The following ARSG variants were observed in gnomAD, a reference collection of about 807,000 sequenced individuals.
ARSG encodes the protein arylsulfatase G.
ARSG carries 37 observed loss-of-function variants against 50.5 expected under a neutral mutation model. The observed-to-expected ratio is 0.73, with a 90% confidence interval of 0.56 to 0.96. The LOEUF (loss-of-function observed/expected upper bound fraction) is 0.96, where lower values mean the gene tolerates loss of function less well. ARSG is among the 50% of genes least tolerant of loss of function. ARSG has a pLI of 0.00. For missense variants in ARSG, 629 were observed against 675.3 expected (o/e 0.93, Z 0.76); for synonymous variants, 225 against 254.6 (o/e 0.88, Z 1.11).
At chr17:68,321,377 G>A (rs1356703301) in intron 2 of ARSG, among the ~76,000 whole-genome samples, 1 of 152,150 alleles carries the variant, frequency 6.6e-6, no homozygotes, top group Admixed American at 6.5e-5. Flanking sequence ...TTTAACAGAA[G>A]GCAATGTGGA....
intron 1 of ARSG, among the ~76,000 whole-genome samples, chr17:68,303,569 C>G (rs1161243635): frequency 6.6e-6 from 1 of 152,196 alleles, no homozygotes; most frequent in African/African-American, 2.4e-5. Context: ...CTGCCTCAGC[C>G]TCCCAAGCAG....
At chr17:68,377,234 A>G (rs941404048) in intron 8 of ARSG, among the ~76,000 whole-genome samples, 2 of 152,214 alleles carry the variant, frequency 1.3e-5, no homozygotes, top group African/African-American at 4.8e-5. Flanking sequence ...AATGGAAGGC[A>G]TCCCCGAGGC....
In ARSG at chr17:68,309,428, G is replaced by A. The variant is rs572586535; in HGVS notation, c.218+1717G>A. The stretch of plus-strand genomic sequence containing the variant: ...AGCCCAGGCAGAGGAGGCGCCGAGA[G>A]CGAGCGAGGGCTGTGAGGACTGCCA... On this transcript the variant is annotated intron_variant, in intron 2 of 11. Coordinates refer to ENST00000621439, the MANE Select transcript of ARSG (RefSeq NM_001267727.2). 7.2e-5 allele frequency among the ~76,000 whole-genome samples: 11 copies of A among 152,374 alleles called. No individual in the cohort carries two copies. The East Asian group carries it at 1.9e-3, about 27-fold the overall frequency.
intron 1 of ARSG, among the ~76,000 whole-genome samples, chr17:68,291,995 G>A (rs1195234342): frequency 6.6e-6 from 1 of 151,988 alleles, no homozygotes; most frequent in African/African-American, 2.4e-5. Flanking sequence ...CGGCGCCTGA[G>A]TTCCTCCTGC....
Position 68,271,397 on chromosome 17 carries a change from T to C in ARSG, c.-552+11971T>C, listed in dbSNP as rs782484654. 1 of 1,614,266 alleles carries C rather than the reference T, an allele frequency of 6.2e-7. No individual in the cohort carries two copies. Among genetic ancestry groups the C allele is most frequent in the Admixed American group, 1.7e-5 (1 of 60,028 alleles). ...GCCTTCGGCTCCAGTTCCAGGTTAG[T>C]GTGAGTAGGCACATTTTTAGGTGAG... On this transcript the variant is annotated intron_variant, in intron 1 of 11. Transcript: ENST00000448504. This position sits in a 1 kb window ranked among gnomAD's most constrained non-coding sequence, Gnocchi z 5.3.
intron 6 of ARSG, among the ~76,000 whole-genome samples, chr17:68,365,808 T>G (rs1203778581): frequency 1.3e-5 from 2 of 152,250 alleles, no homozygotes. Flanking sequence ...CAAGCCATTG[T>G]GTGTTATTTC....
Position 68,300,855 on chromosome 17 carries a change from T to TA in ARSG, c.-551-6075dup, listed in dbSNP as rs1200195007. Among the ~76,000 whole-genome samples, 186 of 139,614 alleles carry TA rather than the reference T, an allele frequency of 1.3e-3. 1 individual carries two copies. Among genetic ancestry groups the TA allele is most frequent in the Admixed American group, 3.2e-3 (45 of 13,942 alleles). The allele number at this position is 139,614 out of a possible 152,430, so 91.6% of individuals were successfully genotyped here. ...TGTCTGGTGTGAGGTCTCCAAGCTT[T>TA]AAAAAAAAAAAAAGCCACTTTGGGA... is the stretch of plus-strand genomic sequence containing the variant. On this transcript the variant is annotated intron_variant, in intron 1 of 11. Coordinates refer to ENST00000621439, the MANE Select transcript of ARSG (RefSeq NM_001267727.2).
chr17:68,323,032 G>C (rs1258053919), intron 2 of ARSG, among the ~76,000 whole-genome samples: 1 of 149,878 alleles, frequency 6.7e-6, no homozygotes, highest in African/African-American at 2.5e-5. Flanking sequence ...ATTAATAAGA[G>C]AGGGCTCTCT....
chr17:68,266,525 T>C (rs1397144880), intron 1 of ARSG, among the ~76,000 whole-genome samples: 1 of 149,106 alleles, frequency 6.7e-6, no homozygotes, highest in Non-Finnish European at 1.5e-5. Flanking sequence ...ATAAAAAAGT[T>C]TAGGCTGCAC....
chr17:68,331,693 T>C (rs2077779496), intron 2 of ARSG, among the ~76,000 whole-genome samples: 1 of 152,200 alleles, frequency 6.6e-6, no homozygotes, highest in African/African-American at 2.4e-5. Context: ...CCCCTGATAT[T>C]TCACGTGCGT....
intron 7 of ARSG, among the ~76,000 whole-genome samples, chr17:68,369,713 A>T (rs191192502): frequency 6.6e-6 from 1 of 152,140 alleles, no homozygotes; most frequent in East Asian, 1.9e-4. Context: ...AACCGAATCT[A>T]CTCCATAGCA....
chr17:68,359,141 C>T (rs1049439713), intron 6 of ARSG, among the ~76,000 whole-genome samples: 40 of 152,154 alleles, frequency 2.6e-4, no homozygotes, highest in Non-Finnish European at 5.0e-4. Flanking sequence ...CCAGCCTGGG[C>T]GACAGTGTGA....
chr17:68,394,355 A>G (rs1186875735), intron 9 of ARSG, among the ~76,000 whole-genome samples: 1 of 152,032 alleles, frequency 6.6e-6, no homozygotes, highest in Non-Finnish European at 1.5e-5. Flanking sequence ...CAATCCCAAC[A>G]CTTTGGGAGG....
intron 1 of ARSG, among the ~76,000 whole-genome samples, chr17:68,266,348 G>T (rs1224976284): frequency 7.1e-6 from 1 of 140,212 alleles, no homozygotes; most frequent in African/African-American, 2.6e-5. Flanking sequence ...AAATAAAATC[G>T]TCCTGTTTTC....
At chr17:68,341,137 A>G (rs1363733778) in intron 2 of ARSG, among the ~76,000 whole-genome samples, 2 of 152,196 alleles carry the variant, frequency 1.3e-5, no homozygotes, top group Non-Finnish European at 2.9e-5. Context: ...ATTATATCCC[A>G]TTAATATTGT....
chr17:68,387,946 C>T (rs11654682), intron 9 of ARSG, among the ~76,000 whole-genome samples: 25,309 of 151,714 alleles, frequency 0.17, 4,164 homozygotes, highest in African/African-American at 0.41. Flanking sequence ...TTAGAGATAA[C>T]CAGTGTTAAT....
At chr17:68,299,102 T>A in intron 1 of ARSG, among the ~76,000 whole-genome samples, 1 of 22,976 alleles carries the variant, frequency 4.4e-5, no homozygotes, top group Non-Finnish European at 8.0e-5. Context: ...AAATTGAACT[T>A]TTTTTTTTTT....
intron 2 of ARSG, among the ~76,000 whole-genome samples, chr17:68,323,235 C>T (rs537026332): frequency 6.6e-6 from 1 of 152,076 alleles, no homozygotes; most frequent in African/African-American, 2.4e-5. Context: ...CATTATTATC[C>T]TCACTTACAT....
downstream of ARSG, among the ~76,000 whole-genome samples, chr17:68,425,517 G>A (rs1163792987): frequency 1.3e-5 from 2 of 151,416 alleles, no homozygotes; most frequent in African/African-American, 2.4e-5. Context: ...CACCGCACCC[G>A]GCCACTTGTT....
Sources: gnomAD v4.1 joint callset for allele counts (sites outside exome capture counted in the v4.1 genomes callset) on GRCh38, gnomAD v4.1.1 for gene constraint, Gnocchi (gnomAD v3.1) non-coding constraint, MANE v1.5 for transcripts, NCBI Gene and HGNC (gene_info 2026-07-23, HGNC 2026-07-21) for gene names.